CPXM2: variants seen among roughly 807,000 people sequenced by gnomAD.
CPXM2 encodes inactive carboxypeptidase-like protein X2.
A neutral mutation model predicts 86.1 loss-of-function variants in CPXM2; 66 were observed. The observed-to-expected ratio is 0.77, with a 90% CI of 0.63 to 0.94. The LOEUF (loss-of-function observed/expected upper bound fraction) is 0.94, where lower values mean the gene tolerates loss of function less well. CPXM2 is among the 40% of genes least tolerant of loss of function. The pLI is 0.00. For synonymous variants in CPXM2, 388 were observed against 400.2 expected (o/e 0.97, Z 0.36); for missense variants, 948 against 1,026.3 (o/e 0.92, Z 1.04).
chr10:123,788,925 G>A (rs1297938091), intron 6 of CPXM2, among the ~76,000 whole-genome samples: 2 of 148,848 alleles, frequency 1.3e-5, no homozygotes, highest in Non-Finnish European at 3.0e-5. Context: ...AGTGCTCTCC[G>A]AGGACTGAGG....
intron 2 of CPXM2, 123 bp from the exon 3 acceptor site, chr10:123,862,846 G>A: frequency 1.3e-6 from 1 of 759,526 alleles, no homozygotes; most frequent in East Asian, 2.7e-5. Flanking sequence ...AGGCATGCCT[G>A]GTCTTTCCAG....
At chr10:123,898,379 AG>A (rs1165140913) in intron 2 of CPXM2, among the ~76,000 whole-genome samples, 2 of 152,248 alleles carry the variant, frequency 1.3e-5, no homozygotes, top group Admixed American at 1.3e-4. Context: ...GCTTAAGCCC[AG>A]GAGTTCAAGG....
At position 123,842,335 on chromosome 10, in the gene CPXM2, C is replaced by T; in HGVS notation, c.653+14G>A. The T allele has an allele frequency of 4.3e-6, 7 of 1,614,158 alleles. No individual in the cohort carries two copies. The highest frequency in any genetic ancestry group is 3.3e-5 in the South Asian group (3 of 91,068). ...AAAACAGGGTCCAGAAAGCATATGT[C>T]CAGGTACACTCACAGCCAGAGGGAG... On this transcript the variant is annotated intron_variant, in intron 4 of 13. Coordinates refer to ENST00000241305, the MANE Select transcript of CPXM2 (RefSeq NM_198148.3).
At chr10:123,760,558 TGA>T (rs1332885223) in intron 11 of CPXM2, among the ~76,000 whole-genome samples, 2 of 152,182 alleles carry the variant, frequency 1.3e-5, no homozygotes, top group East Asian at 3.8e-4. Flanking sequence ...ATGTGAAGGC[TGA>T]GTTTCTAACA....
At chr10:123,747,551 G>T (rs1845993958) in intron 13 of CPXM2, among the ~76,000 whole-genome samples, 1 of 152,176 alleles carries the variant, frequency 6.6e-6, no homozygotes, top group African/African-American at 2.4e-5. Context: ...GGCCTGGAGA[G>T]ACTTGGGAGT....
chr10:123,757,162 C>T (rs1159014854), intron 12 of CPXM2, 51 bp downstream of exon 12: 4 of 1,568,876 alleles, frequency 2.5e-6, no homozygotes, highest in Admixed American at 1.7e-5. Context: ...ACCTCGGCAG[C>T]CTCATCCCCC....
chr10:123,941,427 A>G (rs9665095), upstream of CPXM2, among the ~76,000 whole-genome samples: 50,409 of 151,714 alleles, frequency 0.33, 8,813 homozygotes, highest in African/African-American at 0.43. Flanking sequence ...CTGTCTCTGT[A>G]TCTTCTCTTA....
At chr10:123,835,273 C>T (rs871889) in intron 4 of CPXM2, among the ~76,000 whole-genome samples, 31,559 of 151,928 alleles carry the variant, frequency 0.21, 3,376 homozygotes, top group Middle Eastern at 0.37. Flanking sequence ...GAACAAGGAC[C>T]CTCAAATAAA....
intron 4 of CPXM2, among the ~76,000 whole-genome samples, chr10:123,819,746 T>C (rs1847886921): frequency 6.6e-6 from 1 of 152,230 alleles, no homozygotes; most frequent in South Asian, 2.1e-4. Context: ...TTGAAGATTA[T>C]ATATGATATC....
At chr10:123,932,587 C>G (rs554460906) in intron 2 of CPXM2, among the ~76,000 whole-genome samples, 1 of 152,358 alleles carries the variant, frequency 6.6e-6, no homozygotes, top group African/African-American at 2.4e-5. Context: ...CTCTCCCTGT[C>G]CCACTCTGCT....
intron 2 of CPXM2, among the ~76,000 whole-genome samples, chr10:123,930,508 T>C (rs1272707445): frequency 6.6e-6 from 1 of 152,206 alleles, no homozygotes; most frequent in Non-Finnish European, 1.5e-5. Flanking sequence ...TGTGGGTTCC[T>C]GTAGCACACT....
chr10:123,912,528 G>A (rs1045886750), intron 2 of CPXM2, among the ~76,000 whole-genome samples: 1 of 152,236 alleles, frequency 6.6e-6, no homozygotes, highest in Non-Finnish European at 1.5e-5. Context: ...CACCGGTGTG[G>A]AAAAGAAGGG....
At chr10:123,906,155 T>C (rs569641716) in intron 2 of CPXM2, among the ~76,000 whole-genome samples, 1 of 152,182 alleles carries the variant, frequency 6.6e-6, no homozygotes, top group Non-Finnish European at 1.5e-5. Flanking sequence ...GATCCCCAAG[T>C]CCATGCATTT....
intron 8 of CPXM2, 92 bp downstream of exon 8, chr10:123,770,824 C>T: frequency 7.3e-7 from 1 of 1,368,088 alleles, no homozygotes; most frequent in Non-Finnish European, 1.0e-6. Context: ...TGCCCTGTGG[C>T]ATGAATCTTC....
intron 2 of CPXM2, among the ~76,000 whole-genome samples, chr10:123,879,497 T>C (rs1420699220): frequency 1.3e-5 from 2 of 152,112 alleles, no homozygotes; most frequent in Admixed American, 1.3e-4. Flanking sequence ...ATAATACCCA[T>C]AGTCAGGGGG....
intron 2 of CPXM2, among the ~76,000 whole-genome samples, chr10:123,879,567 ATGGCTGT>A (rs1445779157): frequency 1.1e-4 from 16 of 152,212 alleles, no homozygotes; most frequent in Non-Finnish European, 2.2e-4. Flanking sequence ...TGCTTAATAA[ATGGCTGT>A]TATTACTAAT....
At chr10:123,792,373 AG>A (rs1366136624) in intron 6 of CPXM2, among the ~76,000 whole-genome samples, 1 of 152,202 alleles carries the variant, frequency 6.6e-6, no homozygotes, top group East Asian at 1.9e-4. Flanking sequence ...AAACAAGAGC[AG>A]CCTCTTCTGC....
intron 7 of CPXM2, among the ~76,000 whole-genome samples, chr10:123,773,840 G>A (rs1846717195): frequency 6.6e-6 from 1 of 152,112 alleles, no homozygotes; most frequent in African/African-American, 2.4e-5. Flanking sequence ...GCTGAGGTCT[G>A]GGAAAATGAG....
chr10:123,816,560 T>G (rs1847818272), intron 4 of CPXM2, among the ~76,000 whole-genome samples: 1 of 152,260 alleles, frequency 6.6e-6, no homozygotes, highest in South Asian at 2.1e-4. Context: ...CAGTGGATTA[T>G]CATAAGCTTA....
Sources: allele counts gnomAD v4.1 joint callset (sites outside exome capture counted in the v4.1 genomes callset), GRCh38; gene constraint gnomAD v4.1.1; transcripts MANE v1.5; gene names NCBI Gene and HGNC (gene_info 2026-07-23, HGNC 2026-07-21).